Variants in CIMIP5 observed in about 807,000 individuals in gnomAD.
The protein encoded by CIMIP5 is uncharacterized protein C2orf50.
chr2:11,144,260 G>C, the CIMIP5 span: 1 of 578,724 alleles, frequency 1.7e-6, no homozygotes, highest in Non-Finnish European at 2.9e-6. Context: ...GGGGACCCAA[G>C]GGGTCACTCT....
At chr2:11,149,250 C>A in the CIMIP5 span, among the ~76,000 whole-genome samples, 1 of 151,554 alleles carries the variant, frequency 6.6e-6, no homozygotes, top group African/African-American at 2.4e-5. Context: ...CAGCTGACAC[C>A]GTGCTCCCCT....
chr2:11,141,850 T>G, the CIMIP5 span, among the ~76,000 whole-genome samples: 4 of 152,042 alleles, frequency 2.6e-5, no homozygotes, highest in East Asian at 5.8e-4. Flanking sequence ...AAGATGAATA[T>G]GAATTCATCA....
the CIMIP5 span, among the ~76,000 whole-genome samples, chr2:11,143,176 A>G: frequency 2.7e-5 from 4 of 146,810 alleles, no homozygotes; most frequent in African/African-American, 1.1e-4. Flanking sequence ...CACACAGTTC[A>G]CACCATGGAG....
the CIMIP5 span, chr2:11,144,356 A>C: frequency 1.6e-5 from 5 of 305,646 alleles, no homozygotes; most frequent in East Asian, 5.3e-5. Flanking sequence ...TTGGGAACTC[A>C]TGGGTGCCCC....
the CIMIP5 span, chr2:11,144,097 A>T: frequency 1.9e-6 from 3 of 1,593,128 alleles, no homozygotes; most frequent in African/African-American, 2.7e-5. Flanking sequence ...GGAGGACCAG[A>T]TGCAGCCCAT....
At chr2:11,145,904 G>A in the CIMIP5 span, 3 of 152,120 alleles carry the variant, frequency 2.0e-5, no homozygotes, top group African/African-American at 7.2e-5. Context: ...ACACTTCTAG[G>A]GTAAAGCATT....
the CIMIP5 span, among the ~76,000 whole-genome samples, chr2:11,142,730 T>TA: frequency 2.0e-5 from 3 of 148,608 alleles, no homozygotes; most frequent in Non-Finnish European, 4.5e-5. Flanking sequence ...TTTTTTTTTT[T>TA]TTTTTTTGAG....
chr2:11,137,626 C>T, the CIMIP5 span, among the ~76,000 whole-genome samples: 2 of 152,174 alleles, frequency 1.3e-5, no homozygotes, highest in East Asian at 1.9e-4. Flanking sequence ...GAGAATTTTC[C>T]AGAACCAAAG....
chr2:11,149,706 C>CA, the CIMIP5 span, among the ~76,000 whole-genome samples: 4 of 135,076 alleles, frequency 3.0e-5, no homozygotes, highest in African/African-American at 5.9e-5. Context: ...GACCCTATCT[C>CA]AAAAAAAATT....
the CIMIP5 span, among the ~76,000 whole-genome samples, chr2:11,142,564 G>A: frequency 2.6e-5 from 4 of 152,314 alleles, no homozygotes; most frequent in African/African-American, 9.6e-5. Flanking sequence ...CATGGCCAAA[G>A]GGTGGAGCCA....
chr2:11,138,537 G>GCAGTGGA, the CIMIP5 span, among the ~76,000 whole-genome samples: 1 of 152,194 alleles, frequency 6.6e-6, no homozygotes, highest in South Asian at 2.1e-4. Flanking sequence ...TTAAGAAACA[G>GCAGTGGA]CAGTGGATAT....
the CIMIP5 span, among the ~76,000 whole-genome samples, chr2:11,153,567 G>A: frequency 6.6e-6 from 1 of 152,232 alleles, no homozygotes; most frequent in Admixed American, 6.5e-5. Flanking sequence ...CTATCACATG[G>A]CATGATGAAA....
chr2:11,146,399 A>G, the CIMIP5 span: 1 of 152,272 alleles, frequency 6.6e-6, no homozygotes. Context: ...TCCTCAATGA[A>G]TTGATTCCCC....
the CIMIP5 span, among the ~76,000 whole-genome samples, chr2:11,135,283 T>C: frequency 6.6e-6 from 1 of 152,208 alleles, no homozygotes; most frequent in Non-Finnish European, 1.5e-5. Context: ...CCATTGTCTT[T>C]TGCATAGCAG....
chr2:11,134,332 A>G, the CIMIP5 span, among the ~76,000 whole-genome samples: 1 of 152,244 alleles, frequency 6.6e-6, no homozygotes. Context: ...AAAAGTCTGG[A>G]TGCATTTTTT....
At chr2:11,133,431 C>T in the CIMIP5 span, 11 of 1,610,520 alleles carry the variant, frequency 6.8e-6, no homozygotes, top group African/African-American at 1.3e-4. Context: ...CCCAGCTGCC[C>T]GGGGTGGCCC....
the CIMIP5 span, among the ~76,000 whole-genome samples, chr2:11,141,120 A>G: frequency 9.9e-6 from 1 of 100,926 alleles, no homozygotes. Flanking sequence ...CCCACAACAC[A>G]CTTTTTTTTT....
At chr2:11,135,494 G>A in the CIMIP5 span, among the ~76,000 whole-genome samples, 273 of 151,144 alleles carry the variant, frequency 1.8e-3, 1 homozygote, top group Non-Finnish European at 2.9e-3. Context: ...GAAGTGGTGT[G>A]ATCTCGGCTC....
At chr2:11,137,019 A>G in the CIMIP5 span, among the ~76,000 whole-genome samples, 1 of 152,246 alleles carries the variant, frequency 6.6e-6, no homozygotes, top group Non-Finnish European at 1.5e-5. Context: ...AGTGCTGCCC[A>G]ACGGAAATAC....
Sources: gnomAD v4.1 joint callset for allele counts (sites outside exome capture counted in the v4.1 genomes callset) on GRCh38, gnomAD v4.1.1 for gene constraint, MANE v1.5 for transcripts, NCBI Gene and HGNC (gene_info 2026-07-23, HGNC 2026-07-21) for gene names.